Variants in TRPC4 observed in about 807,000 individuals in gnomAD.
TRPC4 encodes short transient receptor potential channel 4.
Under a neutral mutation model 99.4 loss-of-function variants are expected in TRPC4, and 49 were observed. The observed-to-expected ratio is 0.49, with a 90% CI of 0.39 to 0.63. The LOEUF is 0.63. TRPC4 is among the 20% of genes least tolerant of loss of function. TRPC4 has a pLI of 0.00. For synonymous variants in TRPC4, 454 were observed against 425.9 expected (o/e 1.07, Z -0.81); for missense variants, 898 against 1,152.9 (o/e 0.78, Z 3.20).
chr13:37,733,222 A>G lies in TRPC4; in HGVS notation c.897+12715T>C, dbSNP rs967455839. The stretch of plus-strand genomic sequence containing the variant: ...CAGGAGACAGAGGTTGTAATGAACC[A>G]AGACAGCACCAATGCGCTCCAGCTT... On this transcript the variant is annotated intron_variant, in intron 3 of 10. Coordinates refer to ENST00000379705, the MANE Select transcript of TRPC4 (RefSeq NM_016179.4). Among the ~76,000 whole-genome samples the G allele has an allele frequency of 1.6e-4, 24 of 152,152 alleles. 1 individual carries two copies. The highest frequency in any genetic ancestry group is 4.1e-4 in the South Asian group (2 of 4,834).
intron 3 of TRPC4, among the ~76,000 whole-genome samples, chr13:37,717,306 T>C (rs962251256): frequency 4.6e-5 from 7 of 152,102 alleles, no homozygotes; most frequent in African/African-American, 1.7e-4. Context: ...ATTAGAAACA[T>C]ACAGATTTTA....
intron 3 of TRPC4, among the ~76,000 whole-genome samples, chr13:37,713,428 T>G (rs1954551232): frequency 6.6e-6 from 1 of 152,218 alleles, no homozygotes; most frequent in Non-Finnish European, 1.5e-5. Flanking sequence ...TATAAAGTAC[T>G]GGCTCTTTAT....
intron 3 of TRPC4, among the ~76,000 whole-genome samples, chr13:37,710,359 A>G (rs1375943893): frequency 6.6e-6 from 1 of 151,934 alleles, no homozygotes; most frequent in African/African-American, 2.4e-5. Context: ...TAAAGTAAAT[A>G]GAGGAATGCA....
At chr13:37,732,145 A>T (rs376895432) in intron 3 of TRPC4, among the ~76,000 whole-genome samples, 56 of 152,244 alleles carry the variant, frequency 3.7e-4, no homozygotes, top group African/African-American at 1.3e-3. Context: ...CAGTTCTTGG[A>T]TTCAAGGAGC....
At chr13:37,787,993 T>A (rs1333881143) in intron 1 of TRPC4, among the ~76,000 whole-genome samples, 12 of 152,206 alleles carry the variant, frequency 7.9e-5, no homozygotes, top group Admixed American at 7.9e-4. Flanking sequence ...GGGCAAACAA[T>A]GTTATTGTGC....
Position 37,651,016 on chromosome 13 carries a change from G to C in TRPC4, c.2079+249C>G, listed in dbSNP as rs374672519. 2.6e-5 allele frequency among the ~76,000 whole-genome samples: 4 copies of C among 152,302 alleles called. No homozygotes were observed. In the East Asian group the frequency reaches 5.8e-4, roughly 22 times the overall value. On this transcript the variant is annotated intron_variant, in intron 8 of 10. Coordinates refer to ENST00000379705, the MANE Select transcript of TRPC4 (RefSeq NM_016179.4). ...CCAGCCTTGACTAGCAGAACTCAAG[G>C]AGGGCTGTGTGAAGAGCGGGACTTC... is the stretch of plus-strand genomic sequence containing the variant.
At chr13:37,834,219 G>A (rs1044899421) in intron 1 of TRPC4, among the ~76,000 whole-genome samples, 3 of 152,146 alleles carry the variant, frequency 2.0e-5, no homozygotes, top group African/African-American at 7.2e-5. Context: ...TCAAGACTCT[G>A]AGTACAATAT....
intron 1 of TRPC4, among the ~76,000 whole-genome samples, chr13:37,845,726 G>T (rs1037759212): frequency 1.3e-5 from 2 of 151,978 alleles, no homozygotes; most frequent in Non-Finnish European, 2.9e-5. Flanking sequence ...GAAAAAGAAA[G>T]AGAAAAAAGC....
At chr13:37,691,491 C>T (rs996889016) in intron 4 of TRPC4, among the ~76,000 whole-genome samples, 7 of 152,098 alleles carry the variant, frequency 4.6e-5, no homozygotes, top group African/African-American at 1.7e-4. Flanking sequence ...ATGACAAGAA[C>T]AAAAAGAGAG....
intron 1 of TRPC4, among the ~76,000 whole-genome samples, chr13:37,793,926 A>G (rs1266613292): frequency 6.6e-6 from 1 of 152,174 alleles, no homozygotes; most frequent in East Asian, 1.9e-4. Context: ...AGTAAACACA[A>G]TTCTGCTATT....
At chr13:37,674,462 A>G in intron 4 of TRPC4, 95 bp from the exon 5 acceptor site, 3 of 1,344,826 alleles carry the variant, frequency 2.2e-6, no homozygotes, top group Non-Finnish European at 3.0e-6. Context: ...CGAAGCTACA[A>G]GAGACCACAT....
intron 3 of TRPC4, among the ~76,000 whole-genome samples, chr13:37,715,666 A>G (rs1221114941): frequency 6.6e-6 from 1 of 152,202 alleles, no homozygotes; most frequent in Admixed American, 6.5e-5. Flanking sequence ...AAGTGGGTTC[A>G]CAAACTTTAA....
chr13:37,692,772 T>A (rs1953761155), intron 3 of TRPC4, among the ~76,000 whole-genome samples: 1 of 152,212 alleles, frequency 6.6e-6, no homozygotes, highest in African/African-American at 2.4e-5. Flanking sequence ...TATATTTGTG[T>A]GTACTTTTAA....
At chr13:37,800,221 C>A (rs1378210704) in intron 1 of TRPC4, among the ~76,000 whole-genome samples, 1 of 151,956 alleles carries the variant, frequency 6.6e-6, no homozygotes, top group Non-Finnish European at 1.5e-5. Context: ...AGAGATAGGT[C>A]TTACTATGTT....
intron 3 of TRPC4, among the ~76,000 whole-genome samples, chr13:37,702,715 C>A (rs892727103): frequency 6.6e-6 from 1 of 151,970 alleles, no homozygotes. Flanking sequence ...TATCAATAAC[C>A]TTATGAAATG....
At chr13:37,805,410 G>C (rs1331407030) in intron 1 of TRPC4, among the ~76,000 whole-genome samples, 3 of 151,832 alleles carry the variant, frequency 2.0e-5, no homozygotes, top group Admixed American at 6.6e-5. Context: ...TGCCTTCACT[G>C]GGGAAGTCTT....
chr13:37,748,645 T>C (rs1955851134), intron 2 of TRPC4, among the ~76,000 whole-genome samples: 2 of 151,350 alleles, frequency 1.3e-5, no homozygotes. Flanking sequence ...ATGATATGGC[T>C]TGGCTTTATG....
intron 1 of TRPC4, among the ~76,000 whole-genome samples, chr13:37,842,740 C>T (rs817617): frequency 0.011 from 1,652 of 152,240 alleles, 31 homozygotes; most frequent in African/African-American, 0.038. Flanking sequence ...AAAGGCCTCA[C>T]CTCCTAATAC....
chr13:37,791,253 G>A (rs536880012), intron 1 of TRPC4, among the ~76,000 whole-genome samples: 20 of 151,772 alleles, frequency 1.3e-4, no homozygotes, highest in Non-Finnish European at 2.1e-4. Context: ...AAAATTAGCC[G>A]GGCATAGTGG....
Sources: allele counts gnomAD v4.1 joint callset (sites outside exome capture counted in the v4.1 genomes callset), GRCh38; gene constraint gnomAD v4.1.1; transcripts MANE v1.5; gene names NCBI Gene and HGNC (gene_info 2026-07-23, HGNC 2026-07-21).